The following STK24 variants were observed in gnomAD, a reference collection of about 807,000 sequenced individuals.
STK24 encodes the protein serine/threonine kinase 24.
In STK24, 21 loss-of-function variants were observed where a neutral mutation model predicts 55.6. The ratio of observed to expected loss-of-function variants is 0.38; its 90% CI spans 0.27 to 0.54. STK24 has a LOEUF of 0.54. STK24 is among the 20% of genes least tolerant of loss of function. The pLI is 0.79. For synonymous variants in STK24, 200 were observed against 215.2 expected (o/e 0.93, Z 0.62); for missense variants, 383 against 538.4 (o/e 0.71, Z 2.86).
At chr13:98,533,603 T>C (rs540922319) in intron 1 of STK24, among the ~76,000 whole-genome samples, 72 of 152,138 alleles carry the variant, frequency 4.7e-4, no homozygotes, top group African/African-American at 1.5e-3. Flanking sequence ...TGAGTTATGA[T>C]TGAGCCACTG....
chr13:98,475,366 G>C lies in STK24; in HGVS notation c.331-8C>G. On this transcript the variant is annotated splice_polypyrimidine_tract_variant and splice_region_variant and intron_variant, in intron 3 of 10. Coordinates refer to ENST00000539966, the MANE Select transcript of STK24 (RefSeq NM_001032296.4). ...TAATGGGCCAGGTTCTAACTAAGAA[G>C]AGAAAAAAATTCTTAAAGTTACTTA... The C allele has an allele frequency of 6.4e-7, 1 of 1,570,890 alleles. No individual in the cohort carries two copies.
At chr13:98,456,280 C>G in intron 10 of STK24, 1 of 352,338 alleles carries the variant, frequency 2.8e-6, no homozygotes, top group Non-Finnish European at 5.6e-6. Context: ...TGCAAAACTT[C>G]TTTATGTACT....
At chr13:98,557,619 G>A (rs1897313859) in intron 1 of STK24, among the ~76,000 whole-genome samples, 1 of 152,192 alleles carries the variant, frequency 6.6e-6, no homozygotes, top group Admixed American at 6.5e-5. Context: ...CCACCAAACT[G>A]TCAACGCCCA....
At chr13:98,568,473 A>C (rs888925096) in intron 1 of STK24, among the ~76,000 whole-genome samples, 2 of 152,152 alleles carry the variant, frequency 1.3e-5, no homozygotes, top group African/African-American at 4.8e-5. Context: ...AAAGTCAAGG[A>C]AATGATGAAA....
At position 98,507,281 on chromosome 13, in the gene STK24, T is replaced by C. The variant is rs1272906621; in HGVS notation, c.273+11962A>G. Among the ~76,000 whole-genome samples, 3 of 152,274 alleles carry C rather than the reference T, an allele frequency of 2.0e-5. No individual in the cohort carries two copies. In the East Asian group the frequency reaches 5.8e-4, roughly 29 times the overall value. On this transcript the variant is annotated intron_variant, in intron 2 of 10. Coordinates refer to ENST00000539966, the MANE Select transcript of STK24 (RefSeq NM_001032296.4). ...CCGTCAGGTGCAGGGAAGCTAACGG[T>C]AGACCAGGAATGAGGAAACTCTGGC...
At chr13:98,474,780 A>T in intron 5 of STK24, 41 bp downstream of exon 5, 1 of 1,561,516 alleles carries the variant, frequency 6.4e-7, no homozygotes, top group South Asian at 1.2e-5. Flanking sequence ...GGAGCCCTCC[A>T]GGCCTCGTGA....
intron 1 of STK24, among the ~76,000 whole-genome samples, chr13:98,523,916 C>T (rs1896344763): frequency 6.6e-6 from 1 of 152,166 alleles, no homozygotes; most frequent in African/African-American, 2.4e-5. Context: ...ACTGCTGCAG[C>T]CCATCTGTTG....
At position 98,446,612 on chromosome 13, in the gene STK24, CCAGCAGCAG is replaced by C. The variant is rs1481892794; in HGVS notation, c.*6552_*6560del. The C allele has an allele frequency of 5.8e-5, 92 of 1,589,764 alleles. No individual in the cohort carries two copies. The Admixed American group carries it at 1.5e-3, about 26-fold the overall frequency. ...GTCTGATGCGGGGCAGCAGCCAGGCCCAGCAGCAGAAGCTGACCCCGAAAAGCCACTTTG... is the reference window on the plus strand; with the variant it reads ...GTCTGATGCGGGGCAGCAGCCAGGCCAAGCTGACCCCGAAAAGCCACTTTG... On this transcript the variant is annotated 3_prime_UTR_variant, in exon 11 of 11. Transcript: ENST00000539966.
At chr13:98,472,305 A>G (rs759641914) in intron 5 of STK24, among the ~76,000 whole-genome samples, 10 of 152,156 alleles carry the variant, frequency 6.6e-5, no homozygotes, top group South Asian at 2.1e-4. Flanking sequence ...TCACATCAAC[A>G]TAAGAGTTTG....
At chr13:98,469,911 A>G (rs1411135489) in intron 5 of STK24, among the ~76,000 whole-genome samples, 2 of 152,308 alleles carry the variant, frequency 1.3e-5, no homozygotes, top group South Asian at 2.1e-4. Context: ...TGTTAAAACC[A>G]ATTACTTCGA....
intron 1 of STK24, among the ~76,000 whole-genome samples, chr13:98,566,875 T>C (rs1165384152): frequency 6.6e-6 from 1 of 152,182 alleles, no homozygotes; most frequent in Non-Finnish European, 1.5e-5. Context: ...ACAGGAACGC[T>C]CCTCAAGCAA....
rs573075763 is a variant in STK24 at position 98,507,049 on chromosome 13, A to T, written c.273+12194T>A. Reference sequence around the variant, plus strand: ...GTGCTGGCCGACACTAGGCCTCTGTAAATGTGCAGCTGGGCGGGAGAGCCA... The same window carrying T: ...GTGCTGGCCGACACTAGGCCTCTGTTAATGTGCAGCTGGGCGGGAGAGCCA... On this transcript the variant is annotated intron_variant, in intron 2 of 10. Transcript: ENST00000539966. Among the ~76,000 whole-genome samples, 198 of 152,362 alleles carry T rather than the reference A, an allele frequency of 1.3e-3. 3 individuals carry two copies. The South Asian group carries it at 0.016, about 12-fold the overall frequency.
In STK24 at chr13:98,543,709, C is replaced by T. The variant is rs192529408; in HGVS notation, c.43-24236G>A. Reference sequence around the variant, plus strand: ...AGGATGGTGCTGAACTATGGTAGGACGCAGGACACCCCTCGACTGCAAGAG... The same window carrying T: ...AGGATGGTGCTGAACTATGGTAGGATGCAGGACACCCCTCGACTGCAAGAG... On this transcript the variant is annotated intron_variant, in intron 1 of 10. Coordinates refer to ENST00000539966, the MANE Select transcript of STK24 (RefSeq NM_001032296.4). Among the ~76,000 whole-genome samples the T allele has an allele frequency of 5.3e-5, 8 of 152,214 alleles. No homozygotes were observed. In the East Asian group the frequency reaches 9.7e-4, roughly 18 times the overall value.
chr13:98,491,675 ACATT>A lies in STK24; in HGVS notation c.274-9358_274-9355del, dbSNP rs1479364612. Among the ~76,000 whole-genome samples, 11 of 146,052 alleles carry A rather than the reference ACATT, an allele frequency of 7.5e-5. No individual in the cohort carries two copies. In the East Asian group the frequency reaches 2.3e-3, roughly 30 times the overall value. ...TTCAAGGAAACCCACAGCATTACAA[ACATT>A]CATTACTAAGCCAAAAAAAAAAAAA... On this transcript the variant is annotated intron_variant, in intron 2 of 10. Coordinates refer to ENST00000539966, the MANE Select transcript of STK24 (RefSeq NM_001032296.4).
At chr13:98,535,364 AAAAAAAATAT>A (rs1566391918) in intron 1 of STK24, among the ~76,000 whole-genome samples, 49 of 41,386 alleles carry the variant, frequency 1.2e-3, no homozygotes, top group African/African-American at 3.4e-3. Context: ...AAACAAACAA[AAAAAAAATAT>A]ATATATATAT....
intron 8 of STK24, among the ~76,000 whole-genome samples, chr13:98,461,348 T>C (rs1322768895): frequency 6.6e-6 from 1 of 152,230 alleles, no homozygotes; most frequent in Non-Finnish European, 1.5e-5. Context: ...TTAATCAAAA[T>C]TGTTTTACAT....
chr13:98,570,416 C>T (rs140003608), intron 1 of STK24, among the ~76,000 whole-genome samples: 68 of 152,246 alleles, frequency 4.5e-4, no homozygotes, highest in African/African-American at 1.5e-3. Flanking sequence ...TCAAACCTTA[C>T]GGCCTAAAAT....
At chr13:98,475,392 A>G (rs780921534) in intron 3 of STK24, 34 bp from the exon 4 acceptor site, 1 of 1,445,350 alleles carries the variant, frequency 6.9e-7, no homozygotes, top group Middle Eastern at 2.0e-4. Flanking sequence ...AAGTTACTTA[A>G]ATGATTATCT....
intron 1 of STK24, among the ~76,000 whole-genome samples, chr13:98,544,635 T>A (rs1216568999): frequency 6.6e-6 from 1 of 152,104 alleles, no homozygotes; most frequent in Non-Finnish European, 1.5e-5. Context: ...GCAGGTCCCC[T>A]CCTAAGCCAA....
Sources: gnomAD v4.1 joint callset for allele counts (sites outside exome capture counted in the v4.1 genomes callset) on GRCh38, gnomAD v4.1.1 for gene constraint, MANE v1.5 for transcripts, NCBI Gene and HGNC (gene_info 2026-07-23, HGNC 2026-07-21) for gene names.